Variants in MARCHF2 observed in about 807,000 individuals in gnomAD.
The protein encoded by MARCHF2 is E3 ubiquitin-protein ligase MARCHF2.
A neutral mutation model predicts 24.0 loss-of-function variants in MARCHF2; 22 were observed. The ratio of observed to expected loss-of-function variants is 0.92; its 90% confidence interval spans 0.66 to 1.31. The LOEUF is 1.31. Among genes scored for constraint, MARCHF2 ranks in the 50% most tolerant of loss-of-function variants. The pLI, the probability that MARCHF2 is intolerant of heterozygous loss-of-function variation, is 0.00. For missense variants in MARCHF2, 301 were observed against 335.3 expected, an observed-to-expected ratio of 0.90 and a Z score of 0.80; for synonymous variants, 154 against 153.0, an observed-to-expected ratio of 1.01 and a Z score of -0.05.
rs8106777 is a variant in MARCHF2 at position 8,415,596 on chromosome 19, C to T, written c.-53+2176C>T. Reference sequence around the variant, plus strand: ...TTAGCCAGCTGTGGGTGGAGGGCACCGGTAATCCCAGCTACTCTGGTGGTT... The same window carrying T: ...TTAGCCAGCTGTGGGTGGAGGGCACTGGTAATCCCAGCTACTCTGGTGGTT... On this transcript the variant is annotated intron_variant, in intron 1 of 4. Transcript: ENST00000215555. Among the ~76,000 whole-genome samples the T allele has an allele frequency of 1.8e-3, 272 of 150,746 alleles. 1 individual carries two copies. The highest frequency in any genetic ancestry group is 6.4e-3 in the African/African-American group (263 of 41,158).
Position 8,430,981 on chromosome 19 carries a change from A to G in MARCHF2, c.582+114A>G. 9.2e-7 allele frequency: 1 copy of G among 1,081,574 alleles called. No homozygotes were observed. Among genetic ancestry groups the G allele is most frequent in the South Asian group, 1.5e-5 (1 of 64,658 alleles). 67.0% of individuals were successfully genotyped at this position (1,081,574 alleles called of 1,614,324 possible). On this transcript the variant is annotated intron_variant, in intron 4 of 4. Coordinates refer to ENST00000215555, the MANE Select transcript of MARCHF2 (RefSeq NM_001005415.2). The surrounding 1 kb of genome is among the most constrained non-coding windows in gnomAD (Gnocchi z 4.4). ...CGGGGCTCCCTGGCTGCCTCTGTCT[A>G]TGGCCGTGGGTGGAAGAGAGCTTCT...
intron 3 of MARCHF2, 23 bp downstream of exon 3, chr19:8,426,827 G>A (rs370134121): frequency 6.8e-5 from 109 of 1,606,380 alleles, no homozygotes; most frequent in Non-Finnish European, 8.6e-5. Context: ...GTCTGAGACT[G>A]CGGTGGGCAG....
At chr19:8,417,630 G>A (rs955467016) in intron 1 of MARCHF2, among the ~76,000 whole-genome samples, 4 of 151,920 alleles carry the variant, frequency 2.6e-5, no homozygotes, top group African/African-American at 7.3e-5. Context: ...TAGAGATGGG[G>A]TTTTGCCATG....
At chr19:8,422,773 C>T (rs1255955410) in intron 2 of MARCHF2, among the ~76,000 whole-genome samples, 9 of 138,954 alleles carry the variant, frequency 6.5e-5, no homozygotes, top group South Asian at 2.3e-4. Context: ...GGCGTGATCT[C>T]GGCTCACTGC....
At chr19:8,416,340 CAA>C (rs71175852) in intron 1 of MARCHF2, among the ~76,000 whole-genome samples, 1,111 of 77,402 alleles carry the variant, frequency 0.014, 7 homozygotes, top group South Asian at 0.058. Context: ...GACTCTGTCT[CAA>C]AAAAAAAAAA....
chr19:8,430,622 C>G lies in MARCHF2; in HGVS notation c.373-36C>G, dbSNP rs1468874429. The stretch of plus-strand genomic sequence containing the variant: ...CTCCCCCTCAGTAGCCCCTTCTCTG[C>G]CCCCTCTCCTCTGCCCCCTATCCTC... On this transcript the variant is annotated intron_variant, in intron 3 of 4. Coordinates refer to ENST00000215555, the MANE Select transcript of MARCHF2 (RefSeq NM_001005415.2). This position sits in a 1 kb window ranked among gnomAD's most constrained non-coding sequence, Gnocchi z 4.4. 1 of 1,570,112 alleles carries G rather than the reference C, an allele frequency of 6.4e-7. No individual in the cohort carries two copies. The highest frequency in any genetic ancestry group is 8.7e-7 in the Non-Finnish European group (1 of 1,151,516).
chr19:8,432,334 C>T (rs529712840), intron 4 of MARCHF2, among the ~76,000 whole-genome samples: 74 of 151,622 alleles, frequency 4.9e-4, no homozygotes, highest in Non-Finnish European at 9.0e-4. Flanking sequence ...AAGACCAGGA[C>T]GGGGCAACAA....
chr19:8,428,676 A>C (rs1236072234), intron 3 of MARCHF2, among the ~76,000 whole-genome samples: 6 of 148,242 alleles, frequency 4.0e-5, no homozygotes, highest in East Asian at 2.0e-4. Context: ...AAAAAAAAAA[A>C]AAAAAAACCA....
chr19:8,431,853 C>G (rs571656285), intron 4 of MARCHF2, among the ~76,000 whole-genome samples: 32 of 150,122 alleles, frequency 2.1e-4, no homozygotes, highest in African/African-American at 7.6e-4. Context: ...AAAATAAAAA[C>G]AAAAATAAAT....
At chr19:8,431,795 G>A (rs1317687230) in intron 4 of MARCHF2, among the ~76,000 whole-genome samples, 4 of 152,072 alleles carry the variant, frequency 2.6e-5, no homozygotes, top group Non-Finnish European at 4.4e-5. Flanking sequence ...CCGATATTGC[G>A]CCACTGCACT....
At chr19:8,435,287 G>T (rs1967685391) in intron 4 of MARCHF2, among the ~76,000 whole-genome samples, 1 of 151,922 alleles carries the variant, frequency 6.6e-6, no homozygotes, top group Non-Finnish European at 1.5e-5. Flanking sequence ...CAAAGTGCTG[G>T]GATTACAGGT....
At chr19:8,415,832 A>G (rs899864155) in intron 1 of MARCHF2, among the ~76,000 whole-genome samples, 35 of 151,472 alleles carry the variant, frequency 2.3e-4, no homozygotes, top group Admixed American at 2.1e-3. Flanking sequence ...TCACTCTCCC[A>G]TTTCAGCAGC....
intron 1 of MARCHF2, among the ~76,000 whole-genome samples, chr19:8,415,698 G>C (rs1967058526): frequency 9.8e-6 from 1 of 101,572 alleles, no homozygotes; most frequent in Admixed American, 1.4e-4. Context: ...TCCACCCTGG[G>C]CAACAAGAGT....
intron 4 of MARCHF2, among the ~76,000 whole-genome samples, chr19:8,438,028 A>C (rs1305281267): frequency 6.6e-6 from 1 of 151,918 alleles, no homozygotes; most frequent in African/African-American, 2.4e-5. Flanking sequence ...GGGCTCCCAA[A>C]CTACTGGGAT....
intron 1 of MARCHF2, among the ~76,000 whole-genome samples, chr19:8,419,885 G>T (rs574191079): frequency 2.0e-5 from 3 of 148,992 alleles, no homozygotes; most frequent in African/African-American, 5.0e-5. Context: ...ATTGCCGGGC[G>T]CAGTGGCTCA....
intron 2 of MARCHF2, among the ~76,000 whole-genome samples, chr19:8,422,858 C>T (rs1967288745): frequency 6.9e-6 from 1 of 145,342 alleles, no homozygotes; most frequent in South Asian, 2.2e-4. Flanking sequence ...GCACGCGCCA[C>T]CACACCCAGC....
In MARCHF2 at chr19:8,421,945, G is replaced by C. The variant is rs766297047; in HGVS notation, c.105G>C (p.Gln35His). ...VVEATGLGPP[Q>H]YVAQVTSRDG... Reference sequence around the variant, plus strand: ...AGGCTACGGGCCTCGGACCGCCCCAGTATGTGGCACAGGTGACTTCAAGGG... The same window carrying C: ...AGGCTACGGGCCTCGGACCGCCCCACTATGTGGCACAGGTGACTTCAAGGG... Residue 35 changes from glutamine to histidine, a missense_variant, in exon 2 of 5, where the codon CAG becomes CAC. Transcript: ENST00000215555. 1 of 1,613,804 alleles carries C rather than the reference G, an allele frequency of 6.2e-7. No individual in the cohort carries two copies. The highest frequency in any genetic ancestry group is 2.2e-5 in the East Asian group (1 of 44,858).
intron 3 of MARCHF2, among the ~76,000 whole-genome samples, chr19:8,428,522 T>C (rs11880897): frequency 0.3 from 45,104 of 148,968 alleles, 7,456 homozygotes; most frequent in Middle Eastern, 0.39. Flanking sequence ...TGGTGGCGCA[T>C]GCCTGTAATC....
intron 1 of MARCHF2, among the ~76,000 whole-genome samples, 178 bp from the exon 2 acceptor site, chr19:8,421,611 C>A (rs866300835): frequency 4.6e-5 from 7 of 152,138 alleles, no homozygotes; most frequent in African/African-American, 7.2e-5. Context: ...GAGTTACATG[C>A]ATCGTCTCCT....
Sources: allele counts gnomAD v4.1 joint callset (sites outside exome capture counted in the v4.1 genomes callset), GRCh38; gene constraint gnomAD v4.1.1; non-coding constraint Gnocchi (gnomAD v3.1); transcripts MANE v1.5; gene names NCBI Gene and HGNC (gene_info 2026-07-23, HGNC 2026-07-21).